The following LSAMP variants were observed in gnomAD, a reference collection of about 807,000 sequenced individuals.
LSAMP encodes the protein limbic system-associated membrane protein.
LSAMP carries 7 observed loss-of-function variants against 38.6 expected under a neutral mutation model. The observed-to-expected ratio is 0.18, with a 90% CI of 0.10 to 0.34. LSAMP has a LOEUF of 0.34. LSAMP is among the 10% of genes least tolerant of loss of function. LSAMP has a pLI of 1.00. For synonymous variants in LSAMP, 154 were observed against 166.8 expected (o/e 0.92, Z 0.59); for missense variants, 313 against 420.0 (o/e 0.75, Z 2.23).
intron 2 of LSAMP, among the ~76,000 whole-genome samples, chr3:116,075,344 G>A (rs975585098): frequency 3.3e-5 from 5 of 150,710 alleles, no homozygotes; most frequent in Non-Finnish European, 7.4e-5. Flanking sequence ...CACTATGTTG[G>A]CCAGGCTGGT....
chr3:116,441,209 A>G (rs1176601761), intron 1 of LSAMP, among the ~76,000 whole-genome samples: 1 of 152,220 alleles, frequency 6.6e-6, no homozygotes, highest in Admixed American at 6.5e-5. Context: ...CATTAAAAGT[A>G]TTATAATATC....
chr3:116,329,987 T>G (rs2047826884), intron 1 of LSAMP, among the ~76,000 whole-genome samples: 1 of 152,222 alleles, frequency 6.6e-6, no homozygotes, highest in African/African-American at 2.4e-5. Flanking sequence ...CTACTTACTA[T>G]GTCTCTTTTC....
At chr3:116,430,171 A>C (rs1013177388) in intron 1 of LSAMP, among the ~76,000 whole-genome samples, 1 of 152,194 alleles carries the variant, frequency 6.6e-6, no homozygotes, top group Non-Finnish European at 1.5e-5. Context: ...AAAGGCCTAA[A>C]TAGATCTTCA....
intron 3 of LSAMP, among the ~76,000 whole-genome samples, chr3:115,932,083 T>C (rs1937588844): frequency 6.6e-6 from 1 of 152,188 alleles, no homozygotes; most frequent in South Asian, 2.1e-4. Context: ...GTGAAAAGTG[T>C]TATGCCATGG....
intron 3 of LSAMP, among the ~76,000 whole-genome samples, chr3:115,915,204 T>C (rs368302683): frequency 2.7e-4 from 41 of 152,324 alleles, no homozygotes; most frequent in East Asian, 1.9e-3. Flanking sequence ...CCAGTGAAGT[T>C]TGACATTCCT....
In LSAMP at chr3:116,387,710, AT is replaced by A. The variant is rs201942313; in HGVS notation, c.155+57166del. Among the ~76,000 whole-genome samples, 1,287 of 152,268 alleles carry A rather than the reference AT, an allele frequency of 8.5e-3. 8 individuals carry two copies. Among genetic ancestry groups the A allele is most frequent in the Non-Finnish European group, 0.011 (774 of 68,020 alleles). ...GGGATTTCCTAGTGAAAATAAAAAA[AT>A]AATATAGAAACTGAAATTGAGTCAC... On this transcript the variant is annotated intron_variant, in intron 1 of 6. Transcript: ENST00000490035.
At chr3:116,290,235 A>G (rs1208397597) in intron 1 of LSAMP, among the ~76,000 whole-genome samples, 1 of 152,178 alleles carries the variant, frequency 6.6e-6, no homozygotes, top group Non-Finnish European at 1.5e-5. Context: ...ATTTTAGTTT[A>G]TAGGAGACAC....
chr3:116,399,568 T>C (rs1054192062), intron 1 of LSAMP, among the ~76,000 whole-genome samples: 1 of 152,076 alleles, frequency 6.6e-6, no homozygotes, highest in Non-Finnish European at 1.5e-5. Context: ...GTGGGCAATA[T>C]AGAGAAATTT....
At chr3:116,314,008 C>T (rs1456002320) in intron 1 of LSAMP, among the ~76,000 whole-genome samples, 3 of 152,200 alleles carry the variant, frequency 2.0e-5, no homozygotes, top group African/African-American at 4.8e-5. Flanking sequence ...CACTTTCCCA[C>T]AGCTGTATAA....
chr3:115,972,618 CAT>C (rs1375532195), intron 3 of LSAMP, among the ~76,000 whole-genome samples: 4 of 151,374 alleles, frequency 2.6e-5, no homozygotes, highest in African/African-American at 4.8e-5. Flanking sequence ...CCAAGAAACT[CAT>C]TGTTCTTCAT....
At chr3:116,286,932 T>C (rs1425146228) in intron 1 of LSAMP, among the ~76,000 whole-genome samples, 4 of 151,182 alleles carry the variant, frequency 2.6e-5, no homozygotes, top group African/African-American at 7.3e-5. Flanking sequence ...AAAAGGTCTA[T>C]GGAAAGGACA....
intron 1 of LSAMP, among the ~76,000 whole-genome samples, chr3:116,191,716 C>T (rs1434501430): frequency 6.6e-6 from 1 of 151,870 alleles, no homozygotes; most frequent in Admixed American, 6.6e-5. Flanking sequence ...AACATTCCTG[C>T]ATGGTATTCC....
chr3:116,355,823 G>C (rs1194968696), intron 1 of LSAMP, among the ~76,000 whole-genome samples: 2 of 152,040 alleles, frequency 1.3e-5, no homozygotes, highest in African/African-American at 4.8e-5. Context: ...TATATAAAAA[G>C]GTGTTCAACA....
chr3:116,209,996 C>T (rs35025508), intron 1 of LSAMP, among the ~76,000 whole-genome samples: 2,369 of 152,156 alleles, frequency 0.016, 28 homozygotes, highest in Middle Eastern at 0.082. Context: ...CTTCGTGATC[C>T]GCCCACCTCG....
At chr3:116,194,541 C>G (rs1183959755) in intron 1 of LSAMP, among the ~76,000 whole-genome samples, 3 of 152,114 alleles carry the variant, frequency 2.0e-5, no homozygotes, top group Admixed American at 1.3e-4. Flanking sequence ...ACTGCAGGAG[C>G]CCGCCACCAC....
intron 1 of LSAMP, among the ~76,000 whole-genome samples, chr3:116,366,800 C>T (rs937075740): frequency 2.0e-5 from 3 of 152,128 alleles, no homozygotes; most frequent in East Asian, 3.9e-4. Context: ...ATGCTATGTA[C>T]AAAAGAGAAG....
At chr3:115,869,363 T>G (rs1403739608) in intron 3 of LSAMP, among the ~76,000 whole-genome samples, 1 of 151,654 alleles carries the variant, frequency 6.6e-6, no homozygotes, top group Non-Finnish European at 1.5e-5. Flanking sequence ...CTTTGAAATC[T>G]CTACTTGATG....
intron 3 of LSAMP, among the ~76,000 whole-genome samples, chr3:115,898,288 T>C (rs1342641250): frequency 6.6e-6 from 1 of 152,152 alleles, no homozygotes; most frequent in Non-Finnish European, 1.5e-5. Context: ...CTTTCATATG[T>C]TAATGTGAGC....
chr3:116,184,234 C>G (rs1338199278), intron 1 of LSAMP, among the ~76,000 whole-genome samples: 1 of 151,830 alleles, frequency 6.6e-6, no homozygotes, highest in African/African-American at 2.4e-5. Flanking sequence ...ACTAATTTAA[C>G]TTTACCACAA....
Sources: allele counts gnomAD v4.1 joint callset (sites outside exome capture counted in the v4.1 genomes callset), GRCh38; gene constraint gnomAD v4.1.1; transcripts MANE v1.5; gene names NCBI Gene and HGNC (gene_info 2026-07-23, HGNC 2026-07-21).